Variants in ALCAM observed in about 807,000 individuals in gnomAD.
ALCAM encodes activated leukocyte cell adhesion molecule, also known as CD166 antigen.
A neutral mutation model predicts 70.9 loss-of-function variants in ALCAM; 30 were observed. The ratio of observed to expected loss-of-function variants is 0.42; its 90% confidence interval spans 0.32 to 0.57. ALCAM has a LOEUF of 0.57. ALCAM is among the 20% of genes least tolerant of loss of function. The pLI is 0.11. For synonymous variants in ALCAM, 249 were observed against 242.5 expected, an observed-to-expected ratio of 1.03 and a Z score of -0.25; for missense variants, 591 against 695.1, an observed-to-expected ratio of 0.85 and a Z score of 1.68.
intron 1 of ALCAM, among the ~76,000 whole-genome samples, chr3:105,428,076 A>G (rs1162172083): frequency 6.6e-6 from 1 of 152,000 alleles, no homozygotes; most frequent in African/African-American, 2.4e-5. Context: ...TCTGAACTAA[A>G]TATTTGAATC....
At chr3:105,477,227 A>G (rs1418110810) in intron 1 of ALCAM, among the ~76,000 whole-genome samples, 1 of 152,114 alleles carries the variant, frequency 6.6e-6, no homozygotes, top group Non-Finnish European at 1.5e-5. Context: ...ATATTTACCC[A>G]CATATTTACC....
chr3:105,369,674 G>T (rs1393158605), intron 1 of ALCAM, among the ~76,000 whole-genome samples: 2 of 152,162 alleles, frequency 1.3e-5, no homozygotes, highest in East Asian at 3.9e-4. Flanking sequence ...CGGGGTAACT[G>T]CCTTCCCTGC....
chr3:105,461,246 T>C (rs1169927560), intron 1 of ALCAM, among the ~76,000 whole-genome samples: 1 of 151,818 alleles, frequency 6.6e-6, no homozygotes, highest in Non-Finnish European at 1.5e-5. Flanking sequence ...TGACCAAATT[T>C]GGTGTTTTTC....
intron 1 of ALCAM, among the ~76,000 whole-genome samples, chr3:105,416,326 C>G (rs1264666297): frequency 6.6e-6 from 1 of 151,898 alleles, no homozygotes; most frequent in African/African-American, 2.4e-5. Context: ...TTTTAATACA[C>G]CCTATATAGT....
chr3:105,570,546 A>G (rs1035092199), intron 14 of ALCAM, among the ~76,000 whole-genome samples: 4 of 152,196 alleles, frequency 2.6e-5, no homozygotes, highest in African/African-American at 7.2e-5. Flanking sequence ...GCCAAGACCA[A>G]CAAGAGCATA....
At position 105,576,178 on chromosome 3, in the gene ALCAM, CA is replaced by C. The variant is rs978203005; in HGVS notation, c.*1728del. ...AAACTTTTATTGAAGTTTTATTTGGCAGGAAAAAAAATTGAATCTTGGTCAA... is the reference window on the plus strand; with the variant it reads ...AAACTTTTATTGAAGTTTTATTTGGCGGAAAAAAAATTGAATCTTGGTCAA... On this transcript the variant is annotated 3_prime_UTR_variant, in exon 16 of 16. Transcript: ENST00000306107. 1.4e-4 allele frequency: 22 copies of C among 152,228 alleles called. No individual in the cohort carries two copies. Among genetic ancestry groups the C allele is most frequent in the African/African-American group, 4.4e-4 (18 of 41,336 alleles). The allele number at this position is 152,228 out of a possible 1,614,324, so 9.4% of individuals were successfully genotyped here. A position where few individuals can be genotyped will look rare whatever the true frequency, so the allele number is the denominator to read the frequency against.
chr3:105,418,098 A>G (rs1265636309), intron 1 of ALCAM, among the ~76,000 whole-genome samples: 1 of 151,868 alleles, frequency 6.6e-6, no homozygotes, highest in African/African-American at 2.4e-5. Flanking sequence ...TTACATTCTC[A>G]TTTCCTCCTA....
chr3:105,438,016 GTAAAA>G (rs1297309902), intron 1 of ALCAM, among the ~76,000 whole-genome samples: 7 of 152,174 alleles, frequency 4.6e-5, no homozygotes. Flanking sequence ...CTCCTATGAT[GTAAAA>G]TAAACTTGAA....
intron 1 of ALCAM, among the ~76,000 whole-genome samples, chr3:105,400,993 A>G (rs996413882): frequency 1.3e-5 from 2 of 152,256 alleles, no homozygotes; most frequent in African/African-American, 2.4e-5. Context: ...TCGAACTATT[A>G]CTAAAGACTC....
At chr3:105,565,515 ATGTTTTC>A (rs1940724708) in intron 14 of ALCAM, among the ~76,000 whole-genome samples, 3 of 152,068 alleles carry the variant, frequency 2.0e-5, no homozygotes, top group Admixed American at 6.5e-5. Flanking sequence ...TATTATACTA[ATGTTTTC>A]CTCTAAATTC....
intron 1 of ALCAM, among the ~76,000 whole-genome samples, chr3:105,487,679 G>A (rs1447784829): frequency 2.6e-5 from 4 of 152,126 alleles, no homozygotes; most frequent in Non-Finnish European, 2.9e-5. Flanking sequence ...GCTAACATTA[G>A]TACCTCTTAA....
At chr3:105,490,037 T>C (rs1938540260) in intron 1 of ALCAM, among the ~76,000 whole-genome samples, 1 of 152,210 alleles carries the variant, frequency 6.6e-6, no homozygotes, top group Non-Finnish European at 1.5e-5. Flanking sequence ...CAATGTACAT[T>C]TTAAGATATT....
At chr3:105,524,723 A>G in intron 3 of ALCAM, 1 of 1,309,978 alleles carries the variant, frequency 7.6e-7, no homozygotes, top group Non-Finnish European at 9.7e-7. Context: ...AGGAACTAAA[A>G]TAATATTCTC....
intron 1 of ALCAM, among the ~76,000 whole-genome samples, chr3:105,399,136 T>C (rs1037156230): frequency 1.3e-4 from 20 of 152,164 alleles, no homozygotes; most frequent in African/African-American, 4.8e-4. Flanking sequence ...TTGAGTTTGG[T>C]GGTCTTTTGC....
At chr3:105,474,954 A>C (rs1938061070) in intron 1 of ALCAM, among the ~76,000 whole-genome samples, 1 of 151,864 alleles carries the variant, frequency 6.6e-6, no homozygotes, top group South Asian at 2.1e-4. Flanking sequence ...CAAACAACAA[A>C]AAAAATCATC....
At chr3:105,552,962 C>T (rs2152632292) in intron 14 of ALCAM, 2 of 1,027,652 alleles carry the variant, frequency 1.9e-6, no homozygotes, top group East Asian at 1.8e-4. Context: ...TAGGGACTGC[C>T]AGGTGTCTTT....
At chr3:105,485,707 T>C (rs538735676) in intron 1 of ALCAM, among the ~76,000 whole-genome samples, 1 of 152,208 alleles carries the variant, frequency 6.6e-6, no homozygotes, top group Non-Finnish European at 1.5e-5. Context: ...AATATGATAT[T>C]GCCTGTAAGT....
intron 1 of ALCAM, among the ~76,000 whole-genome samples, chr3:105,497,290 C>G (rs1310540496): frequency 2.6e-5 from 4 of 152,088 alleles, no homozygotes; most frequent in African/African-American, 9.7e-5. Context: ...GAAGACTTCC[C>G]CAGCCATTTA....
chr3:105,499,586 C>G (rs1938861058), intron 1 of ALCAM, among the ~76,000 whole-genome samples: 1 of 152,130 alleles, frequency 6.6e-6, no homozygotes, highest in Admixed American at 6.5e-5. Context: ...TTCTATAAAT[C>G]AGTTCATGTC....
Sources: gnomAD v4.1 joint callset for allele counts (sites outside exome capture counted in the v4.1 genomes callset) on GRCh38, gnomAD v4.1.1 for gene constraint, MANE v1.5 for transcripts, NCBI Gene and HGNC (gene_info 2026-07-23, HGNC 2026-07-21) for gene names.